The following CNTN4 variants were observed in gnomAD, a reference collection of about 807,000 sequenced individuals.
The protein encoded by CNTN4 is contactin 4.
A neutral mutation model predicts 122.5 loss-of-function variants in CNTN4; 77 were observed. That is an observed-to-expected ratio of 0.63 (90% CI 0.52 to 0.76). The LOEUF is 0.76. Among genes scored for constraint, CNTN4 ranks in the 30% least tolerant of loss-of-function variants. CNTN4 has a pLI of 0.00. For synonymous variants in CNTN4, 512 were observed against 447.0 expected (o/e 1.15, Z -1.83); for missense variants, 1,256 against 1,259.1 (o/e 1.00, Z 0.04).
rs1050685986 is a variant in CNTN4 at position 2,820,676 on chromosome 3, T to G, written c.454+1095T>G. Among the ~76,000 whole-genome samples the G allele has an allele frequency of 9.9e-5, 15 of 152,238 alleles. 2 individuals are homozygous for G. The highest frequency in any genetic ancestry group is 4.6e-4 in the Admixed American group (7 of 15,288). On this transcript the variant is annotated intron_variant, in intron 7 of 24. Coordinates refer to ENST00000418658, the MANE Select transcript of CNTN4 (RefSeq NM_175607.3). ...TAATTAGCATAAACTCAAGTATGGTTGAAAAGGGCCTATTTATGAATAACA... is the reference window on the plus strand; with the variant it reads ...TAATTAGCATAAACTCAAGTATGGTGGAAAAGGGCCTATTTATGAATAACA...
chr3:2,250,042 C>G (rs2040314595), intron 2 of CNTN4, among the ~76,000 whole-genome samples: 1 of 151,806 alleles, frequency 6.6e-6, no homozygotes, highest in African/African-American at 2.4e-5. Flanking sequence ...GTGCATTGCT[C>G]CAAAATATTG....
At chr3:2,758,818 C>CT (rs112281589) in intron 6 of CNTN4, among the ~76,000 whole-genome samples, 27,076 of 151,700 alleles carry the variant, frequency 0.18, 2,799 homozygotes, top group East Asian at 0.37. Flanking sequence ...CAGTACCATA[C>CT]TTTTTTTTAG....
chr3:2,331,293 T>G (rs997628579), intron 2 of CNTN4, among the ~76,000 whole-genome samples: 2 of 152,176 alleles, frequency 1.3e-5, no homozygotes, highest in Non-Finnish European at 2.9e-5. Context: ...TCAGGTAGTT[T>G]TTCAGGATAC....
chr3:2,796,528 A>G (rs1174717363), intron 6 of CNTN4, among the ~76,000 whole-genome samples: 1 of 152,188 alleles, frequency 6.6e-6, no homozygotes, highest in Non-Finnish European at 1.5e-5. Context: ...ATCTAAAAAT[A>G]AAACCCGTAC....
chr3:3,033,681 A>G (rs769542511), intron 16 of CNTN4, among the ~76,000 whole-genome samples: 1 of 152,200 alleles, frequency 6.6e-6, no homozygotes, highest in Non-Finnish European at 1.5e-5. Flanking sequence ...GAGGTGGTCA[A>G]TTGTACCTTG....
intron 12 of CNTN4, among the ~76,000 whole-genome samples, chr3:2,913,896 C>A (rs2094327595): frequency 6.6e-6 from 1 of 152,062 alleles, no homozygotes; most frequent in Admixed American, 6.5e-5. Context: ...CAAAAGAGAC[C>A]ATATGTTAGG....
At chr3:2,290,801 T>C (rs1457257172) in intron 2 of CNTN4, among the ~76,000 whole-genome samples, 1 of 152,218 alleles carries the variant, frequency 6.6e-6, no homozygotes, top group East Asian at 1.9e-4. Flanking sequence ...ATTAAAATTT[T>C]CTGACTTAAA....
chr3:2,924,437 A>G (rs1173811157), intron 12 of CNTN4, among the ~76,000 whole-genome samples: 1 of 152,172 alleles, frequency 6.6e-6, no homozygotes. Context: ...AACTGCAATG[A>G]GTCAGGCTTT....
At chr3:2,531,514 A>G (rs1490447200) in intron 3 of CNTN4, among the ~76,000 whole-genome samples, 1 of 152,136 alleles carries the variant, frequency 6.6e-6, no homozygotes, top group Non-Finnish European at 1.5e-5. Context: ...GTTAACATTT[A>G]ATAACTACAT....
At chr3:2,139,615 T>C (rs2034891919) in intron 2 of CNTN4, among the ~76,000 whole-genome samples, 1 of 152,210 alleles carries the variant, frequency 6.6e-6, no homozygotes, top group South Asian at 2.1e-4. Flanking sequence ...TTGGGAGTGG[T>C]AGACATAGAT....
rs558864891 is a variant in CNTN4 at position 2,672,433 on chromosome 3, C to T, written c.56-63782C>T. Reference sequence around the variant, plus strand: ...CGAGCCATGCGCGGGATATAATCTCCTGGTTTGCTGTTTTCTAAGACCGTC... The same window carrying T: ...CGAGCCATGCGCGGGATATAATCTCTTGGTTTGCTGTTTTCTAAGACCGTC... On this transcript the variant is annotated intron_variant, in intron 4 of 24. Coordinates refer to ENST00000418658, the MANE Select transcript of CNTN4 (RefSeq NM_175607.3). Among the ~76,000 whole-genome samples the T allele has an allele frequency of 7.9e-5, 12 of 152,332 alleles. No individual in the cohort carries two copies. In the East Asian group the frequency reaches 1.9e-3, roughly 24 times the overall value.
chr3:2,247,881 A>G lies in CNTN4; in HGVS notation c.-144-91297A>G, dbSNP rs570857999. On this transcript the variant is annotated intron_variant, in intron 2 of 24. Coordinates refer to ENST00000418658, the MANE Select transcript of CNTN4 (RefSeq NM_175607.3). Reference sequence around the variant, plus strand: ...GTATTACTATTAAATTTTCTCTACAATTCTCTCAGGACTTCATGCATGTGT... The same window carrying G: ...GTATTACTATTAAATTTTCTCTACAGTTCTCTCAGGACTTCATGCATGTGT... Among the ~76,000 whole-genome samples the G allele has an allele frequency of 3.5e-4, 53 of 152,102 alleles. 1 individual carries two copies. Among genetic ancestry groups the G allele is most frequent in the Non-Finnish European group, 4.0e-4 (27 of 67,934 alleles).
At chr3:2,201,221 G>A (rs535796092) in intron 2 of CNTN4, among the ~76,000 whole-genome samples, 18 of 151,810 alleles carry the variant, frequency 1.2e-4, no homozygotes, top group Non-Finnish European at 2.5e-4. Context: ...TTAAAATGAG[G>A]GAAACAAGTA....
intron 2 of CNTN4, among the ~76,000 whole-genome samples, chr3:2,299,582 A>T (rs1220876530): frequency 2.0e-5 from 3 of 152,124 alleles, no homozygotes; most frequent in Non-Finnish European, 4.4e-5. Flanking sequence ...CCATAATCTG[A>T]TGCTTAATTT....
At chr3:2,507,519 A>G (rs1244461534) in intron 3 of CNTN4, among the ~76,000 whole-genome samples, 1 of 151,952 alleles carries the variant, frequency 6.6e-6, no homozygotes, top group Non-Finnish European at 1.5e-5. Context: ...GCAGATCACA[A>G]GATCAGGAGT....
rs559757291 is a variant in CNTN4, at chr3:2,240,713, A to C, written c.-144-98465A>C. 2.0e-5 allele frequency among the ~76,000 whole-genome samples: 3 copies of C among 152,312 alleles called. No homozygotes were observed. In the East Asian group the frequency reaches 5.8e-4, roughly 29 times the overall value. ...TGTATGAAAATGGTAATGTCAAGCAACGAAGCTTATTAAGACACTAACATC... is the reference window on the plus strand; with the variant it reads ...TGTATGAAAATGGTAATGTCAAGCACCGAAGCTTATTAAGACACTAACATC... On this transcript the variant is annotated intron_variant, in intron 2 of 24. Coordinates refer to ENST00000418658, the MANE Select transcript of CNTN4 (RefSeq NM_175607.3).
chr3:2,675,154 C>T lies in CNTN4; in HGVS notation c.56-61061C>T, dbSNP rs575702965. 9.3e-4 allele frequency among the ~76,000 whole-genome samples: 141 copies of T among 151,416 alleles called. 1 individual carries two copies. Among genetic ancestry groups the T allele is most frequent in the Middle Eastern group, 3.4e-3 (1 of 294 alleles). ...TGTATTTTTTTTTTTCAGTTAGCTT[C>T]CTCAGGTTGAAAAACACCCATATTT... is the stretch of plus-strand genomic sequence containing the variant. On this transcript the variant is annotated intron_variant, in intron 4 of 24. Coordinates refer to ENST00000418658, the MANE Select transcript of CNTN4 (RefSeq NM_175607.3).
intron 2 of CNTN4, among the ~76,000 whole-genome samples, chr3:2,189,329 G>T (rs945491108): frequency 6.6e-6 from 1 of 152,290 alleles, no homozygotes; most frequent in East Asian, 1.9e-4. Flanking sequence ...GCCGCTAGAA[G>T]GCTGACCTGG....
chr3:2,445,281 CCTTCCTGCTGGTTAGAGG>C (rs1201546815), intron 3 of CNTN4, among the ~76,000 whole-genome samples: 1 of 152,144 alleles, frequency 6.6e-6, no homozygotes, highest in Non-Finnish European at 1.5e-5. Context: ...TTGGTAACAG[CCTTCCTGCTGGTTAGAGG>C]AGGACCTGCA....
Sources: allele counts gnomAD v4.1 joint callset (sites outside exome capture counted in the v4.1 genomes callset), GRCh38; gene constraint gnomAD v4.1.1; transcripts MANE v1.5; gene names NCBI Gene and HGNC (gene_info 2026-07-23, HGNC 2026-07-21).